LINGO2: variants seen among roughly 807,000 people sequenced by gnomAD.
LINGO2 encodes leucine-rich repeat and immunoglobulin-like domain-containing nogo receptor-interacting protein 2.
Under a neutral mutation model 30.6 loss-of-function variants are expected in LINGO2, and 14 were observed. The observed-to-expected ratio is 0.46, with a 90% CI of 0.30 to 0.72. The LOEUF (loss-of-function observed/expected upper bound fraction) is 0.72. LINGO2 is among the 30% of genes least tolerant of loss of function. The probability of loss-of-function intolerance (pLI) is 0.07; values close to 1 mark genes in which losing one functional copy is unlikely to be tolerated. For synonymous variants in LINGO2, 317 were observed against 288.5 expected (o/e 1.10, Z -1.00); for missense variants, 729 against 751.7 (o/e 0.97, Z 0.35).
At chr9:28,883,183 A>AATTT in the LINGO2 span, among the ~76,000 whole-genome samples, 3 of 152,024 alleles carry the variant, frequency 2.0e-5, no homozygotes, top group South Asian at 2.1e-4. Context: ...AGTCTTCTTT[A>AATTT]ATTTATTTAT....
intron 1 of LINGO2, among the ~76,000 whole-genome samples, chr9:28,495,049 A>T (rs1355271075): frequency 6.6e-6 from 1 of 152,112 alleles, no homozygotes; most frequent in African/African-American, 2.4e-5. Flanking sequence ...TCCTTCGCCC[A>T]CTTTTTGATG....
intron 1 of LINGO2, among the ~76,000 whole-genome samples, chr9:28,553,299 T>C (rs1822416670): frequency 1.3e-5 from 2 of 151,924 alleles, no homozygotes; most frequent in African/African-American, 4.8e-5. Context: ...AGAGAAGTGC[T>C]TAAAGGAGCT....
chr9:28,692,563 T>C, the LINGO2 span, among the ~76,000 whole-genome samples: 1 of 152,214 alleles, frequency 6.6e-6, no homozygotes, highest in Non-Finnish European at 1.5e-5. Flanking sequence ...ACCTTTCCTT[T>C]CTATCCAAAC....
chr9:28,967,643 C>T, the LINGO2 span, among the ~76,000 whole-genome samples: 1 of 152,086 alleles, frequency 6.6e-6, no homozygotes, highest in South Asian at 2.1e-4. Flanking sequence ...CCCCTGGCAA[C>T]AAGATTGACC....
At chr9:28,563,544 T>C (rs1196702182) in intron 1 of LINGO2, among the ~76,000 whole-genome samples, 1 of 152,204 alleles carries the variant, frequency 6.6e-6, no homozygotes, top group Non-Finnish European at 1.5e-5. Flanking sequence ...AAATTAACTG[T>C]CTTTGTTTTC....
intron 3 of LINGO2, among the ~76,000 whole-genome samples, chr9:28,348,943 C>A (rs1819722641): frequency 6.6e-6 from 1 of 151,406 alleles, no homozygotes; most frequent in African/African-American, 2.4e-5. Context: ...AGGGTCCTGT[C>A]TGTTAGAAGG....
At chr9:28,625,561 C>T (rs865954489) in intron 1 of LINGO2, among the ~76,000 whole-genome samples, 2 of 152,122 alleles carry the variant, frequency 1.3e-5, no homozygotes, top group Non-Finnish European at 2.9e-5. Flanking sequence ...GTTTGGCCAT[C>T]TTGCTCCACA....
chr9:29,076,011 T>C, the LINGO2 span, among the ~76,000 whole-genome samples: 57 of 151,970 alleles, frequency 3.8e-4, no homozygotes, highest in African/African-American at 1.4e-3. Context: ...CCACAGCCTC[T>C]CTGTGCACCA....
At chr9:28,088,235 CACAT>C (rs1264227102) in intron 4 of LINGO2, among the ~76,000 whole-genome samples, 6 of 113,350 alleles carry the variant, frequency 5.3e-5, no homozygotes, top group Non-Finnish European at 9.5e-5. Flanking sequence ...CACACACACA[CACAT>C]ATAATGGTTT....
the LINGO2 span, among the ~76,000 whole-genome samples, chr9:28,850,752 A>C: frequency 6.6e-6 from 1 of 152,016 alleles, no homozygotes; most frequent in Non-Finnish European, 1.5e-5. Flanking sequence ...TAGAGCTGTA[A>C]CCTACCCTAC....
intron 1 of LINGO2, among the ~76,000 whole-genome samples, chr9:28,616,278 A>G (rs914959724): frequency 2.6e-5 from 4 of 152,198 alleles, no homozygotes; most frequent in African/African-American, 9.6e-5. Flanking sequence ...GTAAGTCAAC[A>G]ATAAGCAAAG....
At chr9:28,348,742 T>A (rs1350924661) in intron 3 of LINGO2, among the ~76,000 whole-genome samples, 1 of 151,706 alleles carries the variant, frequency 6.6e-6, no homozygotes, top group African/African-American at 2.4e-5. Context: ...CAGACTTAAA[T>A]GTCCCTGTCT....
intron 2 of LINGO2, among the ~76,000 whole-genome samples, chr9:28,387,957 G>T (rs1370347026): frequency 6.6e-6 from 1 of 152,132 alleles, no homozygotes; most frequent in Admixed American, 6.5e-5. Context: ...CTTCATTCTT[G>T]AAGTCAGCAA....
At chr9:29,062,898 C>T in the LINGO2 span, among the ~76,000 whole-genome samples, 1 of 152,008 alleles carries the variant, frequency 6.6e-6, no homozygotes, top group Admixed American at 6.6e-5. Flanking sequence ...TTTCTTTGTA[C>T]CATTGTTTCT....
At position 28,590,000 on chromosome 9, in the gene LINGO2, G is replaced by A. The variant is rs543264206; in HGVS notation, c.-365+80200C>T. 1.6e-4 allele frequency among the ~76,000 whole-genome samples: 25 copies of A among 152,130 alleles called. No homozygotes were observed. In the South Asian group the frequency reaches 5.0e-3, roughly 30 times the overall value. ...GAACAGAGCCCTCAGAGATAATGCT[G>A]CATATCTACAACCATCTGATCTTTG... On this transcript the variant is annotated intron_variant, in intron 1 of 5. Transcript: ENST00000379992.
the LINGO2 span, among the ~76,000 whole-genome samples, chr9:29,055,044 C>A: frequency 1.3e-5 from 2 of 151,984 alleles, no homozygotes; most frequent in African/African-American, 4.8e-5. Context: ...TTTGGTGAAG[C>A]CCCATCTCTA....
At chr9:28,916,901 C>G in the LINGO2 span, among the ~76,000 whole-genome samples, 1 of 152,140 alleles carries the variant, frequency 6.6e-6, no homozygotes, top group East Asian at 1.9e-4. Context: ...TCCTCAATGT[C>G]TAAAGGAAAT....
chr9:29,026,523 GA>G, the LINGO2 span, among the ~76,000 whole-genome samples: 1 of 151,594 alleles, frequency 6.6e-6, no homozygotes, highest in African/African-American at 2.4e-5. Flanking sequence ...TAATTATACT[GA>G]AAACATTTAT....
chr9:27,945,588 C>T (rs1823334566), downstream of LINGO2, among the ~76,000 whole-genome samples: 1 of 152,072 alleles, frequency 6.6e-6, no homozygotes, highest in African/African-American at 2.4e-5. Flanking sequence ...GAAACAAAGC[C>T]TCTGGGAAGA....
Sources: allele counts gnomAD v4.1 joint callset (sites outside exome capture counted in the v4.1 genomes callset), GRCh38; gene constraint gnomAD v4.1.1; transcripts MANE v1.5; gene names NCBI Gene and HGNC (gene_info 2026-07-23, HGNC 2026-07-21).